The following FRMD4A variants were observed in gnomAD, a reference collection of about 807,000 sequenced individuals.
The protein encoded by FRMD4A is FERM domain containing 4A.
A neutral mutation model predicts 129.1 loss-of-function variants in FRMD4A; 29 were observed. The ratio of observed to expected loss-of-function variants is 0.22; its 90% CI spans 0.17 to 0.31. The LOEUF is 0.31. Ranked by LOEUF, FRMD4A falls within the 10% of genes least tolerant of loss-of-function variation. The pLI is 1.00. For missense variants in FRMD4A, 1,272 were observed against 1,375.8 expected, an observed-to-expected ratio of 0.92 and a Z score of 1.19; for synonymous variants, 634 against 571.6, an observed-to-expected ratio of 1.11 and a Z score of -1.56.
chr10:14,196,933 C>T (rs1019950348), intron 2 of FRMD4A, among the ~76,000 whole-genome samples: 2 of 152,170 alleles, frequency 1.3e-5, no homozygotes, highest in Non-Finnish European at 2.9e-5. Flanking sequence ...GCAGGCAACC[C>T]TGTCTAGGGT....
At chr10:14,015,063 T>C (rs1209929600) in intron 2 of FRMD4A, among the ~76,000 whole-genome samples, 1 of 136,566 alleles carries the variant, frequency 7.3e-6, no homozygotes, top group African/African-American at 2.7e-5. Flanking sequence ...TTCCTTTTCT[T>C]CTGTCCTTCC....
At chr10:13,790,954 G>A (rs964937265) in intron 5 of FRMD4A, among the ~76,000 whole-genome samples, 9 of 152,158 alleles carry the variant, frequency 5.9e-5, no homozygotes, top group African/African-American at 1.9e-4. Flanking sequence ...GCTCGAGGGA[G>A]AAGCTCTGTG....
intron 2 of FRMD4A, among the ~76,000 whole-genome samples, chr10:14,120,818 C>T (rs985544443): frequency 6.6e-6 from 1 of 152,192 alleles, no homozygotes; most frequent in Non-Finnish European, 1.5e-5. Flanking sequence ...GCTACTCTTG[C>T]CTTAACCAGC....
intron 2 of FRMD4A, among the ~76,000 whole-genome samples, chr10:14,056,819 C>T (rs891759884): frequency 3.3e-5 from 5 of 152,156 alleles, no homozygotes; most frequent in African/African-American, 9.7e-5. Context: ...GGGAGAGAAA[C>T]GAGCTTGTGT....
chr10:14,250,742 G>T (rs1424798062), intron 2 of FRMD4A, among the ~76,000 whole-genome samples: 1 of 152,182 alleles, frequency 6.6e-6, no homozygotes, highest in African/African-American at 2.4e-5. Flanking sequence ...CCCCCAGGGA[G>T]TCCAGCATGG....
chr10:13,808,910 C>G (rs929101172), intron 4 of FRMD4A, among the ~76,000 whole-genome samples: 1 of 152,190 alleles, frequency 6.6e-6, no homozygotes, highest in South Asian at 2.1e-4. Context: ...CCCCACAGAG[C>G]CTCCACATAG....
At chr10:14,004,006 T>C (rs1365952085) in intron 2 of FRMD4A, among the ~76,000 whole-genome samples, 1 of 152,248 alleles carries the variant, frequency 6.6e-6, no homozygotes, top group Non-Finnish European at 1.5e-5. Context: ...CCATCTGGCT[T>C]TAGAAGGAAG....
intron 2 of FRMD4A, among the ~76,000 whole-genome samples, chr10:14,308,375 T>C (rs1846422962): frequency 6.6e-6 from 1 of 152,014 alleles, no homozygotes; most frequent in South Asian, 2.1e-4. Flanking sequence ...TTTTCTGGCA[T>C]GGATACTGAC....
intron 2 of FRMD4A, among the ~76,000 whole-genome samples, chr10:14,181,018 T>C (rs1048197772): frequency 6.6e-6 from 1 of 152,228 alleles, no homozygotes; most frequent in African/African-American, 2.4e-5. Flanking sequence ...CTCTGCCCCA[T>C]TTTCTAAAGA....
At chr10:13,720,007 A>G (rs892547150) in intron 12 of FRMD4A, among the ~76,000 whole-genome samples, 3 of 152,090 alleles carry the variant, frequency 2.0e-5, no homozygotes, top group Admixed American at 6.6e-5. Context: ...CCTCCCAACT[A>G]TCTTGCTCTC....
intron 6 of FRMD4A, among the ~76,000 whole-genome samples, chr10:13,777,868 G>C (rs1046521853): frequency 1.4e-5 from 2 of 139,386 alleles, no homozygotes; most frequent in Non-Finnish European, 3.0e-5. Flanking sequence ...GTGCGATCTC[G>C]GCTTACTGCA....
chr10:13,899,160 T>TATAAA (rs57444575), intron 2 of FRMD4A, among the ~76,000 whole-genome samples: 37,494 of 151,420 alleles, frequency 0.25, 4,897 homozygotes, highest in East Asian at 0.42. Context: ...AGACCCTGTC[T>TATAAA]ATAAAATAAA....
At chr10:13,915,686 A>AG (rs1725152403) in intron 2 of FRMD4A, among the ~76,000 whole-genome samples, 2 of 148,756 alleles carry the variant, frequency 1.3e-5, no homozygotes, top group Non-Finnish European at 3.0e-5. Context: ...AAAAAAAAAA[A>AG]GTGGGCAGAT....
At chr10:13,960,934 G>A (rs568550284) in intron 2 of FRMD4A, among the ~76,000 whole-genome samples, 37 of 152,284 alleles carry the variant, frequency 2.4e-4, no homozygotes, top group African/African-American at 8.7e-4. Context: ...CCTATGGAAG[G>A]CTGTGTACCT....
intron 4 of FRMD4A, among the ~76,000 whole-genome samples, chr10:13,805,129 T>G (rs1697950574): frequency 6.6e-6 from 1 of 152,088 alleles, no homozygotes; most frequent in African/African-American, 2.4e-5. Flanking sequence ...TAAAAGCTAC[T>G]CGTTTTCTTT....
At chr10:13,904,206 C>G (rs2094853637) in intron 2 of FRMD4A, among the ~76,000 whole-genome samples, 1 of 151,524 alleles carries the variant, frequency 6.6e-6, no homozygotes, top group Non-Finnish European at 1.5e-5. Context: ...CCTGTCTGGC[C>G]TCACCAACCA....
chr10:14,087,095 A>G (rs1411726863), intron 2 of FRMD4A, among the ~76,000 whole-genome samples: 1 of 151,840 alleles, frequency 6.6e-6, no homozygotes, highest in Admixed American at 6.6e-5. Flanking sequence ...CCAGCTGGCT[A>G]CCCTGGTTGC....
intron 3 of FRMD4A, among the ~76,000 whole-genome samples, chr10:13,826,626 G>A (rs914689158): frequency 1.3e-5 from 2 of 152,086 alleles, no homozygotes; most frequent in Admixed American, 6.5e-5. Flanking sequence ...TCCCTAAAGC[G>A]TTACCTCCCC....
chr10:14,075,865 G>A (rs1463194037), intron 2 of FRMD4A, among the ~76,000 whole-genome samples: 2 of 152,184 alleles, frequency 1.3e-5, no homozygotes, highest in African/African-American at 4.8e-5. Flanking sequence ...GCCGGAGAGA[G>A]AAGCTTCCCC....
Sources: gnomAD v4.1 joint callset for allele counts (sites outside exome capture counted in the v4.1 genomes callset) on GRCh38, gnomAD v4.1.1 for gene constraint, MANE v1.5 for transcripts, NCBI Gene and HGNC (gene_info 2026-07-23, HGNC 2026-07-21) for gene names.